Variants in STIM2 observed in about 807,000 individuals in gnomAD.
STIM2 encodes stromal interaction molecule 2.
In STIM2, 31 loss-of-function variants were observed where a neutral mutation model predicts 85.8. The observed-to-expected ratio is 0.36, with a 90% CI of 0.27 to 0.49. The LOEUF is 0.49. STIM2 is among the 20% of genes least tolerant of loss of function. The pLI is 0.98. For missense variants in STIM2, 841 were observed against 927.6 expected, an observed-to-expected ratio of 0.91 and a Z score of 1.21; for synonymous variants, 356 against 331.1, an observed-to-expected ratio of 1.08 and a Z score of -0.82.
intron 1 of STIM2, among the ~76,000 whole-genome samples, chr4:26,901,786 T>G (rs545975936): frequency 5.7e-4 from 86 of 152,198 alleles, no homozygotes; most frequent in Non-Finnish European, 7.8e-4. Context: ...CGATTTGAGC[T>G]TAGGTCTGAC....
At chr4:26,994,467 A>C (rs1727884087) in intron 3 of STIM2, among the ~76,000 whole-genome samples, 1 of 152,128 alleles carries the variant, frequency 6.6e-6, no homozygotes, top group Non-Finnish European at 1.5e-5. Context: ...ATAGTCTAAG[A>C]TGATGACCCT....
chr4:26,861,337 C>T lies in STIM2; in HGVS notation c.119C>T (p.Ala40Val), dbSNP rs978458090. 1.5e-6 allele frequency: 2 copies of T among 1,376,516 alleles called. No individual in the cohort carries two copies. The highest frequency in any genetic ancestry group is 6.9e-5 in the Admixed American group (2 of 28,914). 85.3% of individuals were successfully genotyped at this position (1,376,516 alleles called of 1,614,324 possible). ...GCAACTGCCGCCTCCTCTCCCGCCG[C>T]GGCGGCCGGCGATAGCCCGGCGCTC... Residue 40 changes from alanine to valine, a missense_variant, in exon 1 of 12, where the codon GCG becomes GTG. Transcript: ENST00000467087.
At chr4:26,922,620 G>A (rs1560208422) in intron 2 of STIM2, among the ~76,000 whole-genome samples, 1 of 152,104 alleles carries the variant, frequency 6.6e-6, no homozygotes, top group Non-Finnish European at 1.5e-5. Context: ...CCAGCACCTT[G>A]ATATGCCCAC....
intron 3 of STIM2, among the ~76,000 whole-genome samples, chr4:26,960,947 C>T (rs1174682954): frequency 6.6e-6 from 1 of 151,746 alleles, no homozygotes; most frequent in Non-Finnish European, 1.5e-5. Context: ...TCCCGTCATC[C>T]CAGCTACTAG....
intron 2 of STIM2, among the ~76,000 whole-genome samples, chr4:26,923,117 C>G (rs1392408292): frequency 6.6e-6 from 1 of 151,252 alleles, no homozygotes; most frequent in East Asian, 1.9e-4. Context: ...CAGGGGCACA[C>G]TGACACGTCA....
intron 2 of STIM2, among the ~76,000 whole-genome samples, chr4:26,927,412 C>T (rs1724984874): frequency 6.6e-5 from 1 of 15,144 alleles, no homozygotes; most frequent in African/African-American, 2.4e-4. Flanking sequence ...CCATCATTCT[C>T]AGTAAACTAT....
At chr4:26,861,694 G>T (rs1158071404) in intron 1 of STIM2, 13 of 161,102 alleles carry the variant, frequency 8.1e-5, no homozygotes, top group Middle Eastern at 2.3e-3. Flanking sequence ...GGACTGGGCT[G>T]ATTTTTTTTT....
chr4:27,001,117 T>C (rs1410270459), intron 5 of STIM2, among the ~76,000 whole-genome samples: 2 of 152,192 alleles, frequency 1.3e-5, no homozygotes, highest in African/African-American at 4.8e-5. Context: ...AACCCCAGAC[T>C]TGTCAGCCTA....
chr4:27,018,104 A>G, intron 11 of STIM2, 120 bp downstream of exon 11: 1 of 1,414,136 alleles, frequency 7.1e-7, no homozygotes, highest in Non-Finnish European at 9.7e-7. Context: ...AAGGTACCAC[A>G]GACTTTGCAG....
At chr4:26,888,271 A>G (rs1189748337) in intron 1 of STIM2, among the ~76,000 whole-genome samples, 3 of 152,242 alleles carry the variant, frequency 2.0e-5, no homozygotes, top group African/African-American at 4.8e-5. Flanking sequence ...TAACAAAGTC[A>G]TACTTCTGCC....
At chr4:26,939,826 T>TG (rs1427398499) in intron 2 of STIM2, among the ~76,000 whole-genome samples, 3 of 152,210 alleles carry the variant, frequency 2.0e-5, no homozygotes, top group African/African-American at 7.2e-5. Context: ...TATTTAGCAC[T>TG]GTACTAAATA....
chr4:26,970,965 G>T (rs1204648480), intron 3 of STIM2, among the ~76,000 whole-genome samples: 1 of 152,126 alleles, frequency 6.6e-6, no homozygotes. Flanking sequence ...TCTCATTGTG[G>T]TTTTAATTTG....
chr4:26,980,243 A>G (rs1180809260), intron 3 of STIM2, among the ~76,000 whole-genome samples: 2 of 152,252 alleles, frequency 1.3e-5, no homozygotes. Context: ...TTTAGAGATC[A>G]TTTATAGTTT....
At chr4:27,006,214 A>G (rs1450308741) in intron 7 of STIM2, among the ~76,000 whole-genome samples, 3 of 152,158 alleles carry the variant, frequency 2.0e-5, no homozygotes, top group Non-Finnish European at 4.4e-5. Flanking sequence ...CTAGTGTTGC[A>G]TTGTGAATTT....
At chr4:27,004,416 C>T (rs1338858185) in intron 7 of STIM2, among the ~76,000 whole-genome samples, 2 of 152,054 alleles carry the variant, frequency 1.3e-5, no homozygotes, top group African/African-American at 4.8e-5. Context: ...GTACTATGCC[C>T]TTTGCACTCC....
rs561995234 is a variant in STIM2 at position 26,894,272 on chromosome 4, GTA to G, written c.152-25220_152-25219del. Among the ~76,000 whole-genome samples, 675 of 151,494 alleles carry G rather than the reference GTA, an allele frequency of 4.5e-3. 8 individuals are homozygous for G. The highest frequency in any genetic ancestry group is 0.016 in the African/African-American group (653 of 41,376). Reference sequence around the variant, plus strand: ...CTTGTCTTTTTATATACTTATGTGTGTATATATATATATGGTGTATTAATAAA... The same window carrying G: ...CTTGTCTTTTTATATACTTATGTGTGTATATATATATGGTGTATTAATAAA... On this transcript the variant is annotated intron_variant, in intron 1 of 11. Transcript: ENST00000467087.
At chr4:26,931,243 G>C (rs1725195417) in intron 2 of STIM2, among the ~76,000 whole-genome samples, 1 of 152,100 alleles carries the variant, frequency 6.6e-6, no homozygotes, top group African/African-American at 2.4e-5. Flanking sequence ...TGTGACTAAT[G>C]CTGGAAGTGA....
chr4:26,919,941 T>G (rs1367227156), intron 2 of STIM2, among the ~76,000 whole-genome samples: 4 of 152,144 alleles, frequency 2.6e-5, no homozygotes, highest in African/African-American at 7.2e-5. Flanking sequence ...CCACTCCAAA[T>G]GTAGTGGTTT....
intron 10 of STIM2, among the ~76,000 whole-genome samples, chr4:27,016,360 A>T (rs1269022946): frequency 6.6e-6 from 1 of 152,252 alleles, no homozygotes; most frequent in South Asian, 2.1e-4. Flanking sequence ...TGTTTTACTT[A>T]GCTATTGTTA....
Sources: allele counts gnomAD v4.1 joint callset (sites outside exome capture counted in the v4.1 genomes callset), GRCh38; gene constraint gnomAD v4.1.1; transcripts MANE v1.5; gene names NCBI Gene and HGNC (gene_info 2026-07-23, HGNC 2026-07-21).